Variants in CKAP4 observed in about 807,000 individuals in gnomAD.
The protein encoded by CKAP4 is cytoskeleton associated protein 4.
CKAP4 carries 20 observed loss-of-function variants against 24.4 expected under a neutral mutation model. That is an observed-to-expected ratio of 0.82 (90% confidence interval 0.58 to 1.19). CKAP4 has a LOEUF of 1.19. CKAP4 is among the 50% of genes most tolerant of loss of function. CKAP4 has a pLI of 0.00. For synonymous variants in CKAP4, 378 were observed against 351.7 expected, an observed-to-expected ratio of 1.07 and a Z score of -0.84; for missense variants, 744 against 765.3, an observed-to-expected ratio of 0.97 and a Z score of 0.33.
chr12:106,239,133 A>T lies in CKAP4; in HGVS notation c.1700T>A (p.Ile567Lys). 6.2e-7 allele frequency: 1 copy of T among 1,613,802 alleles called. No individual in the cohort carries two copies. The highest frequency in any genetic ancestry group is 8.5e-7 in the Non-Finnish European group (1 of 1,180,004). Reference protein sequence around the residue: ...VDSLVAYSVKIETNENNLESA... With the variant: ...VDSLVAYSVKKETNENNLESA... ...TTCCAGATTGTTCTCGTTGGTTTCT[A>T]TTTTGACCGAGTATGCAACCAAACT... The change falls in exon 2 of 2, where the codon ATA becomes AAA. Residue 567 changes from isoleucine (I) to lysine (K), a missense_variant. This residue lies in a region of CKAP4 where 401 missense variants were observed against 424.5 expected (regional missense o/e 0.94). Coordinates refer to ENST00000378026, the MANE Select transcript of CKAP4 (RefSeq NM_006825.4). The surrounding 1 kb of genome is among the most constrained non-coding windows in gnomAD (Gnocchi z 4.9).
At chr12:106,246,103 T>C (rs1465818940) in intron 1 of CKAP4, among the ~76,000 whole-genome samples, 9 of 152,144 alleles carry the variant, frequency 5.9e-5, no homozygotes, top group Admixed American at 5.9e-4. Context: ...CTGTACTTGG[T>C]ATGGAAAAAC....
rs2033955210 is a variant in CKAP4 at position 106,239,868 on chromosome 12, T to G, written c.965A>C (p.Tyr322Ser). 1 of 1,613,938 alleles carries G rather than the reference T, an allele frequency of 6.2e-7. No individual in the cohort carries two copies. The highest frequency in any genetic ancestry group is 8.5e-7 in the Non-Finnish European group (1 of 1,180,010). The change falls in exon 2 of 2, where the codon TAC becomes TCC. Residue 322 changes from tyrosine (Y) to serine (S), a missense_variant. Around this residue, in one of 3 missense-constraint regions of CKAP4, gnomAD observed 401 missense variants for 424.5 expected, o/e 0.94. Coordinates refer to ENST00000378026, the MANE Select transcript of CKAP4 (RefSeq NM_006825.4). The surrounding 1 kb of genome is among the most constrained non-coding windows in gnomAD (Gnocchi z 4.9). ...STLQTMESDI[Y>S]TEVRELVSLK... The stretch of plus-strand genomic sequence containing the variant: ...GCTCACCAGCTCGCGGACCTCGGTG[T>G]AGATGTCAGACTCCATAGTCTGAAG...
chr12:106,240,032 A>G lies in CKAP4; in HGVS notation c.801T>C (p.Asn267=), dbSNP rs143701933. The G allele has an allele frequency of 5.2e-5, 84 of 1,613,972 alleles. No individual in the cohort carries two copies. The African/African-American group carries it at 1.0e-3, about 20-fold the overall frequency. ...GGGAGGCAACCTTTGCCTTCATGTC[A>G]TTGATCTCCTTCTGGCTCCTCTTCT... ...EVQKRSQKEI[N]DMKAKVASLE... The change falls in exon 2 of 2, where the codon AAT becomes AAC. Residue 267 remains asparagine, a synonymous_variant. Transcript: ENST00000378026.
chr12:106,246,331 G>A (rs960153796), intron 1 of CKAP4, among the ~76,000 whole-genome samples: 9 of 152,044 alleles, frequency 5.9e-5, no homozygotes, highest in Non-Finnish European at 1.2e-4. Flanking sequence ...TCCCTCCCAG[G>A]GTAGTTATAA....
chr12:106,240,071 G>C lies in CKAP4; in HGVS notation c.762C>G (p.Ile254Met). The C allele has an allele frequency of 6.2e-7, 1 of 1,614,168 alleles. No homozygotes were observed. The change falls in exon 2 of 2, where the codon ATC becomes ATG. Residue 254 changes from isoleucine (I) to methionine (M), a missense_variant. Ile to Met is a conservative substitution (Grantham distance 10). Around this residue, in one of 3 missense-constraint regions of CKAP4, gnomAD observed 43 missense variants for 76.4 expected, o/e 0.56. Transcript: ENST00000378026. ...LTKSINDNIA[I>M]FTEVQKRSQK... Reference sequence around the variant, plus strand: ...GGCTCCTCTTCTGGACTTCTGTGAAGATGGCGATGTTGTCGTTGATGGATT... The same window carrying C: ...GGCTCCTCTTCTGGACTTCTGTGAACATGGCGATGTTGTCGTTGATGGATT...
At chr12:106,244,623 A>C (rs186834146) in intron 1 of CKAP4, among the ~76,000 whole-genome samples, 4 of 152,182 alleles carry the variant, frequency 2.6e-5, no homozygotes, top group African/African-American at 9.6e-5. Context: ...CTCTACCAAA[A>C]ATTTTAAAAA....
Position 106,247,715 on chromosome 12 carries a change from G to GGCGGCGGCTGCT in CKAP4, c.136_137insAGCAGCCGCCGC (p.Pro45_Pro46insGlnGlnProPro), listed in dbSNP as rs1423207842. On this transcript the variant is annotated inframe_insertion, in exon 1 of 2. Coordinates refer to ENST00000378026, the MANE Select transcript of CKAP4 (RefSeq NM_006825.4). This position sits in a 1 kb window ranked among gnomAD's most constrained non-coding sequence, Gnocchi z 4.5. ...GTGCTGCTGCGGGTGCGGCGCGGGC[G>GGCGGCGGCTGCT]GCGGCGGCGGCTGCTGCGGCGCCGG... 1 of 904,740 alleles carries GGCGGCGGCTGCT rather than the reference G, an allele frequency of 1.1e-6. No individual in the cohort carries two copies. The allele number at this position is 904,740 out of a possible 1,614,324, so 56.0% of individuals were successfully genotyped here. A position where few individuals can be genotyped will look rare whatever the true frequency, so the allele number is the denominator to read the frequency against.
intron 1 of CKAP4, among the ~76,000 whole-genome samples, chr12:106,241,585 G>A (rs886845599): frequency 2.0e-5 from 3 of 151,994 alleles, no homozygotes; most frequent in Admixed American, 6.6e-5. Context: ...CGCCCGCCTC[G>A]GCCTCCCAAA....
At chr12:106,243,127 G>A (rs1167306567) in intron 1 of CKAP4, among the ~76,000 whole-genome samples, 1 of 152,186 alleles carries the variant, frequency 6.6e-6, no homozygotes, top group African/African-American at 2.4e-5. Flanking sequence ...CCTAGGGTGG[G>A]GGGACTGGGT....
chr12:106,240,846 A>C (rs2033964155), intron 1 of CKAP4, among the ~76,000 whole-genome samples: 1 of 152,182 alleles, frequency 6.6e-6, no homozygotes, highest in Non-Finnish European at 1.5e-5. Context: ...TTTTAAAAGA[A>C]GGAAAAGCAG....
In CKAP4 at chr12:106,239,092, G is replaced by A. The variant is rs1328775225; in HGVS notation, c.1741C>T (p.Leu581=). ...ENNLESAKGL[L]DDLRNDLDRL... ...TCCAGATCATTCCTCAGGTCATCTA[G>A]TAAACCCTTGGCTGATTCCAGATTG... The change falls in exon 2 of 2, where the codon CTA becomes TTA. Residue 581 remains leucine, a synonymous_variant. Transcript: ENST00000378026. The surrounding 1 kb of genome is among the most constrained non-coding windows in gnomAD (Gnocchi z 4.9). 25 of 1,613,904 alleles carry A rather than the reference G, an allele frequency of 1.5e-5. No individual in the cohort carries two copies. The highest frequency in any genetic ancestry group is 2.1e-5 in the Non-Finnish European group (25 of 1,180,032).
intron 1 of CKAP4, among the ~76,000 whole-genome samples, chr12:106,245,908 C>T (rs1376712256): frequency 6.6e-6 from 1 of 152,140 alleles, no homozygotes; most frequent in Non-Finnish European, 1.5e-5. Context: ...CTCTGCCAGT[C>T]TTAAGAGGAA....
intron 1 of CKAP4, among the ~76,000 whole-genome samples, chr12:106,241,558 C>G (rs546823348): frequency 6.6e-6 from 1 of 152,076 alleles, no homozygotes; most frequent in African/African-American, 2.4e-5. Context: ...TGGTCTCGAT[C>G]TCCTGACCTC....
intron 1 of CKAP4, among the ~76,000 whole-genome samples, 199 bp from the exon 2 acceptor site, chr12:106,240,548 G>A (rs1442269699): frequency 6.6e-6 from 1 of 151,740 alleles, no homozygotes; most frequent in Non-Finnish European, 1.5e-5. Context: ...GTGCTCCAGG[G>A]ATGATTTATA....
At position 106,247,695 on chromosome 12, in the gene CKAP4, G is replaced by A; in HGVS notation, c.157C>T (p.Gln53Ter). ...TTCTGCGGGTGCTGCTGCGGGTGCT[G>A]CTGCGGGTGCGGCGCGGGCGGCGGC... is the stretch of plus-strand genomic sequence containing the variant. ...PPPPPAPHPQQHPQQHPQNQA... is the reference protein window; with the variant it reads ...PPPPPAPHPQ Residue 53 changes from glutamine to a stop codon, truncating the protein, a stop_gained, in exon 1 of 2, where the codon CAG (glutamine) becomes TAG (stop). Transcript: ENST00000378026. LOFTEE classifies it high-confidence loss of function. This position sits in a 1 kb window ranked among gnomAD's most constrained non-coding sequence, Gnocchi z 4.5. 2 of 1,050,742 alleles carry A rather than the reference G, an allele frequency of 1.9e-6. No homozygotes were observed. The highest frequency in any genetic ancestry group is 7.8e-5 in the South Asian group (2 of 25,538). The allele number at this position is 1,050,742 out of a possible 1,614,324, so 65.1% of individuals were successfully genotyped here.
rs1159219045 is a variant in CKAP4, at chr12:106,240,350, C to T, written c.484-1G>A. 6.2e-7 allele frequency: 1 copy of T among 1,605,960 alleles called. No homozygotes were observed. The highest frequency in any genetic ancestry group is 8.5e-7 in the Non-Finnish European group (1 of 1,174,816). On this transcript the variant is annotated splice_acceptor_variant, in intron 1 of 1. Coordinates refer to ENST00000378026, the MANE Select transcript of CKAP4 (RefSeq NM_006825.4). LOFTEE classifies it high-confidence loss of function. ...CAAATGTGGCTTGCAAAGACTGCAC[C>T]TGTAATCAAAATCCAGACGTTAATT...
chr12:106,239,410 G>C lies in CKAP4; in HGVS notation c.1423C>G (p.Leu475Val), dbSNP rs369391633. Residue 475 changes from leucine (L) to valine (V), a missense_variant, in exon 2 of 2, where the codon CTG (leucine) becomes GTG (valine). Leu to Val is a conservative substitution (Grantham distance 32, BLOSUM62 1). Coordinates refer to ENST00000378026, the MANE Select transcript of CKAP4 (RefSeq NM_006825.4). The surrounding 1 kb of genome is among the most constrained non-coding windows in gnomAD (Gnocchi z 4.9). ...QDGLASTVRSLGETQLVLYGD... is the reference protein window; with the variant it reads ...QDGLASTVRSVGETQLVLYGD... ...TAGAGCACCAGCTGGGTCTCGCCCA[G>C]GCTCCTCACCGTGCTGGCCAGGCCA... 24 of 1,599,804 alleles carry C rather than the reference G, an allele frequency of 1.5e-5. No individual in the cohort carries two copies. Among genetic ancestry groups the C allele is most frequent in the Non-Finnish European group, 2.0e-5 (24 of 1,177,852 alleles).
chr12:106,245,236 A>T (rs1360348088), intron 1 of CKAP4, among the ~76,000 whole-genome samples: 1 of 152,074 alleles, frequency 6.6e-6, no homozygotes, highest in South Asian at 2.1e-4. Context: ...TACAGGCGAA[A>T]TTCCACACCC....
At chr12:106,243,913 A>C (rs2033987235) in intron 1 of CKAP4, among the ~76,000 whole-genome samples, 1 of 152,230 alleles carries the variant, frequency 6.6e-6, no homozygotes, top group African/African-American at 2.4e-5. Flanking sequence ...AATCATGGCT[A>C]TAAAGCATTT....
Sources: gnomAD v4.1 joint callset for allele counts (sites outside exome capture counted in the v4.1 genomes callset) on GRCh38, gnomAD v4.1.1 for gene constraint, gnomAD v4.1.1 regional missense constraint, Gnocchi (gnomAD v3.1) non-coding constraint, MANE v1.5 for transcripts, NCBI Gene and HGNC (gene_info 2026-07-23, HGNC 2026-07-21) for gene names.